MGST1: variants seen among roughly 807,000 people sequenced by gnomAD.
MGST1 encodes the protein glutathione S-transferase 12.
A neutral mutation model predicts 8.9 loss-of-function variants in MGST1; 5 were observed. The observed-to-expected ratio is 0.56, with a 90% CI of 0.29 to 1.19. MGST1 has a LOEUF of 1.19. Ranked by LOEUF, MGST1 falls within the 50% of genes most tolerant of loss-of-function variation. MGST1 has a pLI of 0.08. For synonymous variants in MGST1, 54 were observed against 67.8 expected (o/e 0.80, Z 1.00); for missense variants, 182 against 187.4 (o/e 0.97, Z 0.17).
At position 16,586,591 on chromosome 12, in the gene MGST1, C is replaced by G. The variant is rs953036651; in HGVS notation, n.483-2937C>G. On this transcript the variant is annotated intron_variant and non_coding_transcript_variant, in intron 4 of 4. Coordinates refer to the MGST1 transcript ENST00000538857. The surrounding 1 kb of genome is among the most constrained non-coding windows in gnomAD (Gnocchi z 4.3). ...CATATGCAAAGACACTGCATTTCATCTTTGGACGTCCTTTCTTGGCAGGAC... is the reference window on the plus strand; with the variant it reads ...CATATGCAAAGACACTGCATTTCATGTTTGGACGTCCTTTCTTGGCAGGAC... 6.6e-6 allele frequency among the ~76,000 whole-genome samples: 1 copy of G among 152,194 alleles called. No homozygotes were observed. Among genetic ancestry groups the G allele is most frequent in the Non-Finnish European group, 1.5e-5 (1 of 68,026 alleles).
intron 4 of MGST1, among the ~76,000 whole-genome samples, chr12:16,530,080 C>T (rs1336154851): frequency 6.6e-6 from 1 of 152,034 alleles, no homozygotes; most frequent in Non-Finnish European, 1.5e-5. Context: ...TTTGTATAGA[C>T]AGATCTGATC....
downstream of MGST1, among the ~76,000 whole-genome samples, chr12:16,379,214 T>C (rs1940426026): frequency 1.3e-5 from 2 of 152,206 alleles, no homozygotes; most frequent in South Asian, 2.1e-4. Context: ...GAAGTCATCC[T>C]TGTCTTGTGC....
Position 16,525,553 on chromosome 12 carries a change from T to C in MGST1, n.483-63975T>C, listed in dbSNP as rs1415820494. ...TAATCCAGTCTATCATTGTTGGACA[T>C]TTGGGTTGGTTCCAAGTCTTTGCTA... On this transcript the variant is annotated intron_variant and non_coding_transcript_variant, in intron 4 of 4. Coordinates refer to the MGST1 transcript ENST00000538857. 2.1e-5 allele frequency among the ~76,000 whole-genome samples: 3 copies of C among 145,274 alleles called. No homozygotes were observed. In the East Asian group the frequency reaches 6.2e-4, roughly 30 times the overall value.
At chr12:16,391,513 A>G (rs1046947968) in intron 1 of MGST1, among the ~76,000 whole-genome samples, 15 of 152,042 alleles carry the variant, frequency 9.9e-5, no homozygotes, top group African/African-American at 3.6e-4. Context: ...TTATGGCTGC[A>G]TAGTATTCCA....
chr12:16,480,086 A>G (rs865937263), intron 4 of MGST1, among the ~76,000 whole-genome samples: 25 of 152,330 alleles, frequency 1.6e-4, no homozygotes, highest in African/African-American at 5.3e-4. Flanking sequence ...AAAAAGCACA[A>G]ACCTTAAAAG....
chr12:16,473,363 G>A (rs1941300277), intron 4 of MGST1, among the ~76,000 whole-genome samples: 1 of 152,174 alleles, frequency 6.6e-6, no homozygotes, highest in Non-Finnish European at 1.5e-5. Context: ...CAATAGGGCT[G>A]AGATTAAGTA....
intron 4 of MGST1, among the ~76,000 whole-genome samples, chr12:16,465,190 T>C (rs929486696): frequency 7.9e-5 from 12 of 152,204 alleles, no homozygotes; most frequent in African/African-American, 2.7e-4. Flanking sequence ...CTCTACTGAC[T>C]TGTAGGAAAT....
At chr12:16,557,689 C>G (rs1287592609) in intron 4 of MGST1, among the ~76,000 whole-genome samples, 1 of 151,936 alleles carries the variant, frequency 6.6e-6, no homozygotes, top group East Asian at 1.9e-4. Flanking sequence ...AAATAACTAA[C>G]TTTTGAGAAC....
intron 4 of MGST1, among the ~76,000 whole-genome samples, chr12:16,507,839 T>G (rs1292382329): frequency 3.3e-5 from 5 of 151,814 alleles, no homozygotes; most frequent in Non-Finnish European, 5.9e-5. Context: ...TCCCCCAACA[T>G]TAGGGATTCC....
At chr12:16,552,962 T>C (rs1177202325) in intron 4 of MGST1, among the ~76,000 whole-genome samples, 2 of 152,092 alleles carry the variant, frequency 1.3e-5, no homozygotes, top group African/African-American at 4.8e-5. Flanking sequence ...CTTATGATAA[T>C]TGAAAATAAA....
chr12:16,412,989 A>G (rs1940755321), intron 1 of MGST1, among the ~76,000 whole-genome samples: 1 of 152,202 alleles, frequency 6.6e-6, no homozygotes, highest in South Asian at 2.1e-4. Flanking sequence ...AGCAGAACAT[A>G]GATAATATGT....
chr12:16,508,596 G>T (rs753409890), intron 4 of MGST1, among the ~76,000 whole-genome samples: 23 of 152,160 alleles, frequency 1.5e-4, no homozygotes, highest in Non-Finnish European at 2.6e-4. Flanking sequence ...AATTCAGACT[G>T]ACTATTCATC....
rs948207788 is a variant in MGST1 at position 16,354,301 on chromosome 12, G to A, written c.49G>A (p.Ala17Thr). 1 of 1,606,936 alleles carries A rather than the reference G, an allele frequency of 6.2e-7. No homozygotes were observed. Among genetic ancestry groups the A allele is most frequent in the African/African-American group, 1.3e-5 (1 of 74,550 alleles). Residue 17 changes from alanine to threonine, a missense_variant, in exon 2 of 4, where the codon GCA becomes ACA. Coordinates refer to ENST00000396210, the MANE Select transcript of MGST1 (RefSeq NM_020300.5). Reference protein sequence around the residue: ...VMDDEVFMAFASYATIILSKM... With the variant: ...VMDDEVFMAFTSYATIILSKM... ...GGATGATGAAGTATTCATGGCTTTT[G>A]CATCCTATGCAACAATTATTCTTTC...
At chr12:16,487,507 G>A (rs184968713) in intron 4 of MGST1, among the ~76,000 whole-genome samples, 280 of 152,242 alleles carry the variant, frequency 1.8e-3, no homozygotes, top group Non-Finnish European at 2.2e-3. Flanking sequence ...ACTGGTGCAC[G>A]TAGACATTTA....
downstream of MGST1, among the ~76,000 whole-genome samples, chr12:16,377,609 T>C (rs1296624473): frequency 6.6e-6 from 1 of 152,144 alleles, no homozygotes; most frequent in Non-Finnish European, 1.5e-5. Flanking sequence ...TATACATACG[T>C]GTGCATGTGT....
intron 4 of MGST1, among the ~76,000 whole-genome samples, chr12:16,448,632 A>G (rs1241090671): frequency 2.6e-5 from 4 of 152,002 alleles, no homozygotes; most frequent in Non-Finnish European, 5.9e-5. Context: ...AGTCTGTGTT[A>G]TAGATGAATA....
intron 4 of MGST1, among the ~76,000 whole-genome samples, chr12:16,577,625 A>G (rs967663781): frequency 2.0e-5 from 3 of 152,328 alleles, no homozygotes; most frequent in Admixed American, 6.5e-5. Flanking sequence ...GGAAGAGGAC[A>G]AGTAAGAATA....
At chr12:16,430,755 C>T (rs547503070) in intron 1 of MGST1, among the ~76,000 whole-genome samples, 22 of 152,206 alleles carry the variant, frequency 1.4e-4, no homozygotes, top group African/African-American at 4.8e-4. Flanking sequence ...ATTCTTAAGG[C>T]CCCTGGGATT....
chr12:16,533,951 A>C (rs1156405399), intron 4 of MGST1, among the ~76,000 whole-genome samples: 2 of 152,194 alleles, frequency 1.3e-5, no homozygotes, highest in Non-Finnish European at 2.9e-5. Flanking sequence ...AGGAGGCATC[A>C]TAGAACATGG....
Sources: allele counts gnomAD v4.1 joint callset (sites outside exome capture counted in the v4.1 genomes callset), GRCh38; gene constraint gnomAD v4.1.1; non-coding constraint Gnocchi (gnomAD v3.1); transcripts MANE v1.5; gene names NCBI Gene and HGNC (gene_info 2026-07-23, HGNC 2026-07-21).